RORA: variants seen among roughly 807,000 people sequenced by gnomAD.
RORA encodes the protein nuclear receptor ROR-alpha.
In RORA, 7 loss-of-function variants were observed where a neutral mutation model predicts 69.5. That is an observed-to-expected ratio of 0.10 (90% CI 0.06 to 0.19). The LOEUF (loss-of-function observed/expected upper bound fraction) is 0.19. RORA is among the 10% of genes least tolerant of loss of function. The pLI, the probability that RORA is intolerant of heterozygous loss-of-function variation, is 1.00. For missense variants in RORA, 457 were observed against 663.0 expected (o/e 0.69, Z 3.41); for synonymous variants, 261 against 240.8 (o/e 1.08, Z -0.78).
chr15:61,060,597 G>A (rs1175517132), intron 1 of RORA, among the ~76,000 whole-genome samples: 1 of 152,124 alleles, frequency 6.6e-6, no homozygotes, highest in East Asian at 1.9e-4. Flanking sequence ...GGAAACTGTG[G>A]ACCCCCTCAC....
intron 1 of RORA, among the ~76,000 whole-genome samples, chr15:61,152,838 C>G (rs1201337329): frequency 6.6e-6 from 1 of 152,162 alleles, no homozygotes; most frequent in African/African-American, 2.4e-5. Flanking sequence ...GATAAATAAG[C>G]AACTCCCTAC....
intron 2 of RORA, among the ~76,000 whole-genome samples, chr15:60,553,790 C>T (rs2140398769): frequency 6.6e-6 from 1 of 152,284 alleles, no homozygotes; most frequent in African/African-American, 2.4e-5. Flanking sequence ...TTGAAGTAAC[C>T]CTTGTCTTCC....
chr15:61,211,783 G>A (rs551738011), intron 1 of RORA: 2 of 152,300 alleles, frequency 1.3e-5, no homozygotes, highest in East Asian at 3.9e-4. Context: ...TAAGGCAACA[G>A]GTCTTCATAA....
At chr15:60,770,151 C>T (rs988948442) in intron 1 of RORA, among the ~76,000 whole-genome samples, 5 of 152,088 alleles carry the variant, frequency 3.3e-5, no homozygotes, top group African/African-American at 1.2e-4. Context: ...CGTTAAAGGG[C>T]TTTTTGTTTC....
intron 1 of RORA, among the ~76,000 whole-genome samples, chr15:61,003,021 G>A (rs1894791474): frequency 6.7e-6 from 1 of 149,968 alleles, no homozygotes; most frequent in African/African-American, 2.5e-5. Context: ...GCGGGCGCCT[G>A]TAGTCCCAGC....
At chr15:60,877,412 T>G (rs1198113058) in intron 1 of RORA, among the ~76,000 whole-genome samples, 3 of 152,228 alleles carry the variant, frequency 2.0e-5, no homozygotes, top group African/African-American at 7.2e-5. Context: ...AATGAATGAA[T>G]GAGTGTTCTT....
chr15:60,639,857 T>C (rs903625064), intron 2 of RORA, among the ~76,000 whole-genome samples: 6 of 152,160 alleles, frequency 3.9e-5, no homozygotes, highest in Admixed American at 3.3e-4. Flanking sequence ...AGATGTGCAG[T>C]TGATGATGGT....
At chr15:60,505,744 G>A in intron 5 of RORA, 115 bp from the exon 6 acceptor site, 1 of 1,218,226 alleles carries the variant, frequency 8.2e-7, no homozygotes, top group African/African-American at 1.5e-5. Flanking sequence ...TGCGAGTTTT[G>A]ACTGTCTTTA....
chr15:60,734,310 T>C (rs1164419779), intron 1 of RORA, among the ~76,000 whole-genome samples: 1 of 152,176 alleles, frequency 6.6e-6, no homozygotes. Context: ...CTCTCAGTGA[T>C]TCTGATGCAC....
chr15:61,098,115 C>A (rs1173426232), intron 1 of RORA, among the ~76,000 whole-genome samples: 2 of 136,036 alleles, frequency 1.5e-5, no homozygotes, highest in African/African-American at 5.4e-5. Flanking sequence ...CTCCCTCCCT[C>A]CTTCCTTCTC....
chr15:61,225,833 G>A (rs1389003058), intron 1 of RORA, among the ~76,000 whole-genome samples: 5 of 152,140 alleles, frequency 3.3e-5, no homozygotes, highest in African/African-American at 1.2e-4. Context: ...GATTCGCTGT[G>A]GTTTTTTTTC....
At chr15:61,202,640 T>C (rs777187768) in intron 1 of RORA, among the ~76,000 whole-genome samples, 103 of 152,076 alleles carry the variant, frequency 6.8e-4, no homozygotes, top group Admixed American at 4.0e-3. Flanking sequence ...AAGCTAGAAT[T>C]CAGATGCCTA....
At chr15:60,757,979 C>T (rs1309932908) in intron 1 of RORA, among the ~76,000 whole-genome samples, 1 of 152,202 alleles carries the variant, frequency 6.6e-6, no homozygotes, top group African/African-American at 2.4e-5. Context: ...GATCTCTGCT[C>T]TCTTTTCAGG....
chr15:60,591,291 AGCGGGCGGCGGGCG>A (rs533592958), intron 2 of RORA, among the ~76,000 whole-genome samples: 2 of 152,086 alleles, frequency 1.3e-5, no homozygotes, highest in African/African-American at 4.8e-5. Context: ...CGGGCGCACA[AGCGGGCGGCGGGCG>A]GCGGGCGGCG....
At chr15:60,604,803 AT>A (rs1030240512) in intron 2 of RORA, among the ~76,000 whole-genome samples, 7 of 152,128 alleles carry the variant, frequency 4.6e-5, no homozygotes, top group African/African-American at 1.7e-4. Context: ...TTGAGCTTCA[AT>A]TTCCTCTCCT....
intron 1 of RORA, among the ~76,000 whole-genome samples, chr15:60,944,241 T>A (rs538043743): frequency 6.6e-6 from 1 of 152,282 alleles, no homozygotes; most frequent in East Asian, 1.9e-4. Flanking sequence ...TGGTCTGAGA[T>A]GGAGCATGGG....
intron 1 of RORA, among the ~76,000 whole-genome samples, chr15:61,127,468 G>C (rs2079153422): frequency 6.6e-6 from 1 of 152,190 alleles, no homozygotes. Context: ...TGTTCAAACT[G>C]TACGTTATAT....
At chr15:60,982,310 C>T (rs1450088605) in intron 1 of RORA, among the ~76,000 whole-genome samples, 4 of 152,172 alleles carry the variant, frequency 2.6e-5, no homozygotes, top group African/African-American at 9.7e-5. Context: ...CAGCCCTGGA[C>T]ATGTGAATGT....
chr15:60,688,149 C>A (rs1337636462), intron 1 of RORA, among the ~76,000 whole-genome samples: 1 of 151,838 alleles, frequency 6.6e-6, no homozygotes, highest in Admixed American at 6.6e-5. Flanking sequence ...GAAGGCGCTA[C>A]CATCATTAAA....
Sources: gnomAD v4.1 joint callset for allele counts (sites outside exome capture counted in the v4.1 genomes callset) on GRCh38, gnomAD v4.1.1 for gene constraint, MANE v1.5 for transcripts, NCBI Gene and HGNC (gene_info 2026-07-23, HGNC 2026-07-21) for gene names.